RAP1GDS1: variants seen among roughly 807,000 people sequenced by gnomAD.
RAP1GDS1 encodes the protein Rap1 GTPase-GDP dissociation stimulator 1, also known as RAP1, GTP-GDP dissociation stimulator 1.
RAP1GDS1 carries 35 observed loss-of-function variants against 71.1 expected under a neutral mutation model. The observed-to-expected ratio is 0.49, with a 90% CI of 0.38 to 0.65. The LOEUF (loss-of-function observed/expected upper bound fraction) is 0.65, where lower values mean the gene tolerates loss of function less well. Among genes scored for constraint, RAP1GDS1 ranks in the 30% least tolerant of loss-of-function variants. RAP1GDS1 has a pLI of 0.00. For missense variants in RAP1GDS1, 663 were observed against 706.1 expected, an observed-to-expected ratio of 0.94 and a Z score of 0.69; for synonymous variants, 229 against 243.1, an observed-to-expected ratio of 0.94 and a Z score of 0.54.
chr4:98,436,795 G>T, intron 13 of RAP1GDS1, 145 bp from the exon 14 acceptor site: 1 of 808,848 alleles, frequency 1.2e-6, no homozygotes, highest in African/African-American at 1.8e-5. Context: ...CACATGGTCT[G>T]AATTTAATAT....
chr4:98,384,512 G>A (rs1228965626), intron 5 of RAP1GDS1, among the ~76,000 whole-genome samples: 1 of 151,688 alleles, frequency 6.6e-6, no homozygotes, highest in Non-Finnish European at 1.5e-5. Flanking sequence ...AGAGCAGTTA[G>A]TTAGTCTGGT....
chr4:98,326,187 A>T (rs1448973499), intron 2 of RAP1GDS1, among the ~76,000 whole-genome samples: 2 of 152,146 alleles, frequency 1.3e-5, no homozygotes, highest in African/African-American at 4.8e-5. Flanking sequence ...TCTTCCAAAC[A>T]TATGCTTTTT....
intron 1 of RAP1GDS1, among the ~76,000 whole-genome samples, chr4:98,274,961 C>T (rs1300218142): frequency 6.6e-6 from 1 of 151,852 alleles, no homozygotes; most frequent in Non-Finnish European, 1.5e-5. Flanking sequence ...CCATGGGTAA[C>T]TGGATTTCCT....
chr4:98,326,118 A>C (rs2110354650), intron 2 of RAP1GDS1, among the ~76,000 whole-genome samples: 1 of 151,454 alleles, frequency 6.6e-6, no homozygotes, highest in African/African-American at 2.4e-5. Context: ...CTTTTTTTTA[A>C]AGTGCTTTGG....
At chr4:98,266,070 T>C (rs987368507) in intron 1 of RAP1GDS1, among the ~76,000 whole-genome samples, 1 of 152,154 alleles carries the variant, frequency 6.6e-6, no homozygotes, top group Non-Finnish European at 1.5e-5. Flanking sequence ...ATGACAGATA[T>C]TACATTTTAG....
rs1734143955 is a variant in RAP1GDS1, at chr4:98,332,471, A to T, written c.113-10668A>T. Among the ~76,000 whole-genome samples the T allele has an allele frequency of 2.0e-5, 3 of 152,196 alleles. No individual in the cohort carries two copies. In the South Asian group the frequency reaches 6.2e-4, roughly 32 times the overall value. Reference sequence around the variant, plus strand: ...AAAGGAACTGATGAAAAAGTTAAAAAGAGAGAGTCCCAGTTATTGTCCCAG... The same window carrying T: ...AAAGGAACTGATGAAAAAGTTAAAATGAGAGAGTCCCAGTTATTGTCCCAG... On this transcript the variant is annotated intron_variant, in intron 2 of 14. Transcript: ENST00000408927.
chr4:98,352,945 T>C (rs1737430974), intron 4 of RAP1GDS1, among the ~76,000 whole-genome samples: 1 of 152,240 alleles, frequency 6.6e-6, no homozygotes, highest in Non-Finnish European at 1.5e-5. Context: ...GGAATGCTTA[T>C]GGACACAGTT....
At position 98,400,528 on chromosome 4, in the gene RAP1GDS1, T is replaced by TAAAAA. The variant is rs774732053; in HGVS notation, c.638-3934_638-3930dup. Among the ~76,000 whole-genome samples, 56 of 74,334 alleles carry TAAAAA rather than the reference T, an allele frequency of 7.5e-4. 1 individual carries two copies. Among genetic ancestry groups the TAAAAA allele is most frequent in the African/African-American group, 2.3e-3 (53 of 22,738 alleles). The allele number at this position is 74,334 out of a possible 152,430, so 48.8% of individuals were successfully genotyped here. A position where few individuals can be genotyped will look rare whatever the true frequency, so the allele number is the denominator to read the frequency against. On this transcript the variant is annotated intron_variant, in intron 6 of 14. Transcript: ENST00000408927. ...AAGCTTAAAGTTGATTTTATAGAAG[T>TAAAAA]AAAAAAAAAAAAAAAAAAACGGATA...
chr4:98,390,380 T>C (rs1242468993), intron 5 of RAP1GDS1, among the ~76,000 whole-genome samples: 1 of 152,180 alleles, frequency 6.6e-6, no homozygotes, highest in Admixed American at 6.5e-5. Context: ...TCTTATCTCC[T>C]TTTAGATTTC....
intron 5 of RAP1GDS1, among the ~76,000 whole-genome samples, chr4:98,391,131 G>A (rs1743585874): frequency 6.6e-6 from 1 of 151,898 alleles, no homozygotes; most frequent in African/African-American, 2.4e-5. Context: ...GTTCATTTTT[G>A]GTTCATTTAT....
At chr4:98,418,558 T>C in intron 9 of RAP1GDS1, 99 bp from the exon 10 acceptor site, 1 of 1,089,632 alleles carries the variant, frequency 9.2e-7, no homozygotes, top group Non-Finnish European at 1.2e-6. Flanking sequence ...ATTGTATAGC[T>C]CCATTTTCCC....
At chr4:98,368,782 GA>G (rs1299558675) in intron 4 of RAP1GDS1, among the ~76,000 whole-genome samples, 9 of 152,128 alleles carry the variant, frequency 5.9e-5, no homozygotes, top group African/African-American at 1.7e-4. Flanking sequence ...TGATTTTGGA[GA>G]AGGAGAAGCC....
rs1723365642 is a variant in RAP1GDS1 at position 98,270,937 on chromosome 4, C to G, written c.4+9368C>G. On this transcript the variant is annotated intron_variant, in intron 1 of 14. Coordinates refer to ENST00000408927, the MANE Select transcript of RAP1GDS1 (RefSeq NM_001100427.2). Reference sequence around the variant, plus strand: ...TTTTCTCTTCCTTCCATTTTCTTTTCTCTAGCTTACCTTATTGTAACAATA... The same window carrying G: ...TTTTCTCTTCCTTCCATTTTCTTTTGTCTAGCTTACCTTATTGTAACAATA... Among the ~76,000 whole-genome samples, 4 of 152,056 alleles carry G rather than the reference C, an allele frequency of 2.6e-5. 1 individual carries two copies. The South Asian group carries it at 8.3e-4, about 32-fold the overall frequency.
intron 1 of RAP1GDS1, among the ~76,000 whole-genome samples, chr4:98,263,983 C>G (rs1024737572): frequency 6.6e-6 from 1 of 152,042 alleles, no homozygotes; most frequent in Non-Finnish European, 1.5e-5. Flanking sequence ...CCTTGGGGAA[C>G]AGTTTTATAT....
At chr4:98,432,021 G>A (rs1163271655) in intron 12 of RAP1GDS1, among the ~76,000 whole-genome samples, 1 of 151,990 alleles carries the variant, frequency 6.6e-6, no homozygotes, top group Non-Finnish European at 1.5e-5. Flanking sequence ...CCGTGTTGGT[G>A]TGCTGCACCC....
chr4:98,422,163 G>C (rs1385538228), intron 12 of RAP1GDS1, among the ~76,000 whole-genome samples: 1 of 151,984 alleles, frequency 6.6e-6, no homozygotes, highest in African/African-American at 2.4e-5. Context: ...TTGCACCACT[G>C]CACTCCAGCC....
chr4:98,343,753 C>T (rs1735834484), intron 3 of RAP1GDS1, among the ~76,000 whole-genome samples: 1 of 152,068 alleles, frequency 6.6e-6, no homozygotes, highest in African/African-American at 2.4e-5. Context: ...TGTAAGAATA[C>T]TCTGGAAAAA....
intron 1 of RAP1GDS1, among the ~76,000 whole-genome samples, chr4:98,287,896 T>C (rs904231539): frequency 6.6e-5 from 10 of 152,174 alleles, no homozygotes; most frequent in Non-Finnish European, 1.2e-4. Flanking sequence ...TGGAAACTAA[T>C]TTATCAAAGT....
At chr4:98,320,214 G>A (rs1396848060) in intron 2 of RAP1GDS1, among the ~76,000 whole-genome samples, 1 of 152,106 alleles carries the variant, frequency 6.6e-6, no homozygotes, top group Non-Finnish European at 1.5e-5. Context: ...GATATTTGCG[G>A]GTTTTCGACT....
Sources: gnomAD v4.1 joint callset for allele counts (sites outside exome capture counted in the v4.1 genomes callset) on GRCh38, gnomAD v4.1.1 for gene constraint, MANE v1.5 for transcripts, NCBI Gene and HGNC (gene_info 2026-07-23, HGNC 2026-07-21) for gene names.